Variants in ZNF292 observed in about 807,000 individuals in gnomAD.
The protein encoded by ZNF292 is 16 zinc-finger domain protein.
A neutral mutation model predicts 217.9 loss-of-function variants in ZNF292; 26 were observed. The observed-to-expected ratio is 0.12, with a 90% confidence interval of 0.09 to 0.17. The LOEUF is 0.17. Among genes scored for constraint, ZNF292 ranks in the 10% least tolerant of loss-of-function variants. The probability of loss-of-function intolerance (pLI) is 1.00; values close to 1 mark genes in which losing one functional copy is unlikely to be tolerated. For missense variants in ZNF292, 2,904 were observed against 3,175.2 expected (o/e 0.91, Z 2.05); for synonymous variants, 1,257 against 1,124.1 (o/e 1.12, Z -2.37).
At chr6:87,229,234 GCAAC>G (rs1204776477) in intron 4 of ZNF292, among the ~76,000 whole-genome samples, 1 of 152,046 alleles carries the variant, frequency 6.6e-6, no homozygotes, top group African/African-American at 2.4e-5. Context: ...GTGTACAGAT[GCAAC>G]TGATATTTAT....
chr6:87,164,731 C>G (rs1338970096), intron 1 of ZNF292, among the ~76,000 whole-genome samples: 3 of 151,490 alleles, frequency 2.0e-5, no homozygotes, highest in African/African-American at 7.3e-5. Flanking sequence ...CGCCCCATCA[C>G]TGAGACTTTA....
intron 6 of ZNF292, among the ~76,000 whole-genome samples, chr6:87,244,121 ATAT>A (rs1181326435): frequency 6.6e-6 from 1 of 152,192 alleles, no homozygotes; most frequent in Non-Finnish European, 1.5e-5. Flanking sequence ...TGTTGTGTTG[ATAT>A]TATGGGAACA....
intron 1 of ZNF292, among the ~76,000 whole-genome samples, chr6:87,193,147 T>C (rs559918981): frequency 6.6e-6 from 1 of 152,274 alleles, no homozygotes; most frequent in South Asian, 2.1e-4. Flanking sequence ...TAAGTACAGG[T>C]TGAGCTTCCC....
At chr6:87,177,781 T>C (rs1582385068) in intron 1 of ZNF292, among the ~76,000 whole-genome samples, 1 of 152,238 alleles carries the variant, frequency 6.6e-6, no homozygotes, top group East Asian at 1.9e-4. Flanking sequence ...CATAGGTTTG[T>C]AAGGATTAAA....
chr6:87,174,041 C>A, intron 1 of ZNF292: 1 of 247,034 alleles, frequency 4.0e-6, no homozygotes, highest in South Asian at 5.4e-5. Flanking sequence ...TCTCCCAGTT[C>A]ACCACAACTT....
intron 1 of ZNF292, among the ~76,000 whole-genome samples, chr6:87,192,022 TG>T (rs574166150): frequency 5.8e-4 from 88 of 152,372 alleles, no homozygotes; most frequent in African/African-American, 1.9e-3. Context: ...CATAAACATT[TG>T]CTTTGTGATG....
chr6:87,175,911 C>A (rs1486117419), intron 1 of ZNF292, among the ~76,000 whole-genome samples: 3 of 152,122 alleles, frequency 2.0e-5, no homozygotes, highest in African/African-American at 7.2e-5. Flanking sequence ...ATGTTTGTGA[C>A]CCCACCTAGA....
At position 87,261,873 on chromosome 6, in the gene ZNF292, G is replaced by GT; in HGVS notation, c.*73dup. On this transcript the variant is annotated 3_prime_UTR_variant, in exon 8 of 8. Coordinates refer to ENST00000369577, the MANE Select transcript of ZNF292 (RefSeq NM_015021.3). ...GGAAGCCATCAAGCATGCTAGAATTGTGAAACTTTCATTATATTTTTTTGT... is the reference window on the plus strand; with the variant it reads ...GGAAGCCATCAAGCATGCTAGAATTGTTGAAACTTTCATTATATTTTTTTGT... 1 of 1,075,704 alleles carries GT rather than the reference G, an allele frequency of 9.3e-7. No homozygotes were observed. Among genetic ancestry groups the GT allele is most frequent in the Non-Finnish European group, 1.3e-6 (1 of 792,466 alleles). 66.6% of individuals were successfully genotyped at this position (1,075,704 alleles called of 1,614,324 possible).
rs762320672 is a variant in ZNF292, at chr6:87,256,125, T to C, written c.2496T>C (p.Ser832=). 2 of 1,613,742 alleles carry C rather than the reference T, an allele frequency of 1.2e-6. No homozygotes were observed. The highest frequency in any genetic ancestry group is 2.2e-5 in the East Asian group (1 of 44,878). The change falls in exon 8 of 8, where the codon AGT becomes AGC. Residue 832 remains serine (S), a synonymous_variant. Coordinates refer to ENST00000369577, the MANE Select transcript of ZNF292 (RefSeq NM_015021.3). The part of the protein sequence containing the change: ...GELEKHLDDH[S]TPPEKVLPPE... ...TGGAAAAGCATCTGGATGATCACAG[T>C]ACTCCTCCTGAAAAAGTGCTGCCTC...
At chr6:87,252,156 T>C (rs1171877275) in intron 7 of ZNF292, among the ~76,000 whole-genome samples, 1 of 152,108 alleles carries the variant, frequency 6.6e-6, no homozygotes, top group Non-Finnish European at 1.5e-5. Flanking sequence ...TTTTTGTTTT[T>C]TGTGTTTTTT....
chr6:87,204,980 A>C (rs1342456397), intron 1 of ZNF292, among the ~76,000 whole-genome samples: 1 of 152,100 alleles, frequency 6.6e-6, no homozygotes, highest in African/African-American at 2.4e-5. Context: ...CAAACAATGA[A>C]TTAGTGAATT....
chr6:87,244,784 TAAAAG>T (rs1051705922), intron 6 of ZNF292, among the ~76,000 whole-genome samples: 16 of 152,132 alleles, frequency 1.1e-4, no homozygotes, highest in African/African-American at 3.6e-4. Flanking sequence ...TGTTAGAAGA[TAAAAG>T]AGAAATGCTG....
chr6:87,195,297 TTAG>T (rs1582405104), intron 1 of ZNF292, among the ~76,000 whole-genome samples: 1 of 152,168 alleles, frequency 6.6e-6, no homozygotes, highest in Non-Finnish European at 1.5e-5. Context: ...GAAAAGTATA[TTAG>T]TAGAACAAGT....
At chr6:87,172,364 G>T (rs1411065547) in intron 1 of ZNF292, among the ~76,000 whole-genome samples, 5 of 152,042 alleles carry the variant, frequency 3.3e-5, no homozygotes, top group Non-Finnish European at 1.5e-5. Context: ...AGTAACAAAA[G>T]AACAGCTCTT....
At chr6:87,183,003 T>C (rs780192049) in intron 1 of ZNF292, among the ~76,000 whole-genome samples, 5 of 152,140 alleles carry the variant, frequency 3.3e-5, no homozygotes, top group Admixed American at 6.5e-5. Flanking sequence ...GAGATAGTGT[T>C]TTACATAAAT....
At chr6:87,221,350 T>G (rs900929618) in intron 4 of ZNF292, among the ~76,000 whole-genome samples, 94 of 152,188 alleles carry the variant, frequency 6.2e-4, no homozygotes, top group Non-Finnish European at 1.1e-3. Context: ...GGAAAGGTGC[T>G]TAATGCTCAA....
intron 6 of ZNF292, among the ~76,000 whole-genome samples, chr6:87,243,931 A>G (rs1244699349): frequency 6.6e-6 from 1 of 152,168 alleles, no homozygotes; most frequent in Non-Finnish European, 1.5e-5. Context: ...TAAGCAATAC[A>G]TTTCTTTTTA....
At chr6:87,172,969 T>G (rs758510111) in intron 1 of ZNF292, among the ~76,000 whole-genome samples, 1 of 152,100 alleles carries the variant, frequency 6.6e-6, no homozygotes, top group Non-Finnish European at 1.5e-5. Context: ...GTGAAATCTG[T>G]TTCAAATAAA....
chr6:87,208,407 A>T (rs992264183), intron 1 of ZNF292, among the ~76,000 whole-genome samples: 4 of 151,996 alleles, frequency 2.6e-5, no homozygotes, highest in African/African-American at 9.7e-5. Context: ...CTCTAGCATT[A>T]TTCTTTAAAT....
Sources: allele counts gnomAD v4.1 joint callset (sites outside exome capture counted in the v4.1 genomes callset), GRCh38; gene constraint gnomAD v4.1.1; transcripts MANE v1.5; gene names NCBI Gene and HGNC (gene_info 2026-07-23, HGNC 2026-07-21).